Variants in MARCHF8 observed in about 807,000 individuals in gnomAD.
The protein encoded by MARCHF8 is E3 ubiquitin-protein ligase MARCHF8.
Under a neutral mutation model 51.6 loss-of-function variants are expected in MARCHF8, and 40 were observed. The ratio of observed to expected loss-of-function variants is 0.77; its 90% CI spans 0.60 to 1.01. MARCHF8 has a LOEUF of 1.01. MARCHF8 is among the 50% of genes least tolerant of loss of function. The probability of loss-of-function intolerance (pLI) is 0.00; values close to 1 mark genes in which losing one functional copy is unlikely to be tolerated. For missense variants in MARCHF8, 685 were observed against 708.6 expected, an observed-to-expected ratio of 0.97 and a Z score of 0.38; for synonymous variants, 263 against 280.3, an observed-to-expected ratio of 0.94 and a Z score of 0.62.
At chr10:45,496,479 T>A (rs1318421716) in intron 2 of MARCHF8, among the ~76,000 whole-genome samples, 1 of 152,068 alleles carries the variant, frequency 6.6e-6, no homozygotes, top group African/African-American at 2.4e-5. Flanking sequence ...CTATGAAAGG[T>A]TGGCATAAGG....
intron 3 of MARCHF8, among the ~76,000 whole-genome samples, chr10:45,485,989 C>T (rs1160274441): frequency 6.6e-6 from 1 of 152,188 alleles, no homozygotes; most frequent in Non-Finnish European, 1.5e-5. Flanking sequence ...AAACTGTCTT[C>T]TCAAAAACAG....
intron 1 of MARCHF8, among the ~76,000 whole-genome samples, chr10:45,533,525 CAG>C (rs2043924112): frequency 6.6e-6 from 1 of 152,092 alleles, no homozygotes; most frequent in Admixed American, 6.6e-5. Context: ...CATGTATAAT[CAG>C]AGATATAATC....
chr10:45,513,824 T>C (rs946013981), intron 2 of MARCHF8, among the ~76,000 whole-genome samples: 6 of 152,194 alleles, frequency 3.9e-5, no homozygotes, highest in African/African-American at 1.4e-4. Flanking sequence ...CTGTCTTCTA[T>C]GCATTTTTCC....
intron 1 of MARCHF8, among the ~76,000 whole-genome samples, chr10:45,564,064 T>C (rs2044338839): frequency 2.6e-5 from 4 of 152,294 alleles, no homozygotes; most frequent in Non-Finnish European, 5.9e-5. Context: ...TCACCTGAGG[T>C]CAGGAGTTCG....
At chr10:45,511,730 A>G (rs1263321543) in intron 2 of MARCHF8, among the ~76,000 whole-genome samples, 1 of 152,130 alleles carries the variant, frequency 6.6e-6, no homozygotes, top group Non-Finnish European at 1.5e-5. Context: ...CCCAGGCTGG[A>G]GTGCAGTGGC....
chr10:45,575,874 A>C (rs2044484037), intron 1 of MARCHF8, among the ~76,000 whole-genome samples: 1 of 152,080 alleles, frequency 6.6e-6, no homozygotes, highest in Non-Finnish European at 1.5e-5. Context: ...CCTGGCTCGA[A>C]AGCTCCCCCA....
At chr10:45,514,851 CAA>C (rs1347648302) in intron 2 of MARCHF8, among the ~76,000 whole-genome samples, 1 of 152,032 alleles carries the variant, frequency 6.6e-6, no homozygotes. Context: ...CAGAACAAAA[CAA>C]AATTTTTTTC....
upstream of MARCHF8, among the ~76,000 whole-genome samples, chr10:45,539,828 T>C (rs977237277): frequency 9.9e-5 from 15 of 152,214 alleles, no homozygotes; most frequent in African/African-American, 3.6e-4. Context: ...AAAATCTCCT[T>C]AAGCTGATAA....
chr10:45,567,717 T>A, intron 1 of MARCHF8, among the ~76,000 whole-genome samples: 1 of 152,250 alleles, frequency 6.6e-6, no homozygotes, highest in East Asian at 1.9e-4. Context: ...TCAGGTAATG[T>A]AATTCCTCCA....
intron 1 of MARCHF8, among the ~76,000 whole-genome samples, chr10:45,573,764 C>G (rs898652106): frequency 6.6e-6 from 1 of 152,176 alleles, no homozygotes; most frequent in Non-Finnish European, 1.5e-5. Context: ...AGTCCATCCC[C>G]TTCTTAATCA....
chr10:45,523,627 G>A (rs573121496), intron 2 of MARCHF8, among the ~76,000 whole-genome samples: 7 of 152,284 alleles, frequency 4.6e-5, no homozygotes, highest in African/African-American at 1.4e-4. Flanking sequence ...CTGCCACCTA[G>A]TTGTCCAATT....
chr10:45,455,293 T>G lies in MARCHF8; in HGVS notation c.*2946A>C, dbSNP rs1027988859. ...AGTAGGAAGAGACCTTTTATAGAGT[T>G]TTCAGGAAATTCTCACAATAAACTT... On this transcript the variant is annotated 3_prime_UTR_variant, in exon 8 of 8. Transcript: ENST00000453424. 3.3e-5 allele frequency: 5 copies of G among 152,164 alleles called. No homozygotes were observed. The highest frequency in any genetic ancestry group is 9.7e-5 in the African/African-American group (4 of 41,416). The allele number at this position is 152,164 out of a possible 1,614,324, so 9.4% of individuals were successfully genotyped here.
rs964096096 is a variant in MARCHF8 at position 45,457,454 on chromosome 10, G to T, written c.*785C>A. On this transcript the variant is annotated 3_prime_UTR_variant, in exon 8 of 8. Coordinates refer to ENST00000453424, the MANE Select transcript of MARCHF8 (RefSeq NM_001282866.2). ...TAAAAAAAAAGCCTCTGGCCTGCTT[G>T]TCCTGTCTTAAAAGTCATGAGTCTG... 1 of 152,456 alleles carries T rather than the reference G, an allele frequency of 6.6e-6. No individual in the cohort carries two copies. The highest frequency in any genetic ancestry group is 1.5e-5 in the Non-Finnish European group (1 of 68,032). 9.4% of individuals were successfully genotyped at this position (152,456 alleles called of 1,614,324 possible).
intron 5 of MARCHF8, 92 bp from the exon 6 acceptor site, chr10:45,461,503 TC>T: frequency 8.7e-7 from 1 of 1,145,356 alleles, no homozygotes; most frequent in Non-Finnish European, 1.2e-6. Context: ...CAAAGGAAAC[TC>T]AGAAACGAAC....
At chr10:45,553,658 C>T (rs2133345248) in intron 1 of MARCHF8, among the ~76,000 whole-genome samples, 2 of 152,238 alleles carry the variant, frequency 1.3e-5, no homozygotes, top group Non-Finnish European at 2.9e-5. Flanking sequence ...GGTAAATTCA[C>T]ACAATGAAAT....
In MARCHF8 at chr10:45,458,249, A is replaced by AG; in HGVS notation, c.1711_1712insC (p.Ile571ThrfsTer19). 6.2e-7 allele frequency: 1 copy of AG among 1,609,736 alleles called. No homozygotes were observed. Among genetic ancestry groups the AG allele is most frequent in the South Asian group, 1.1e-5 (1 of 90,570 alleles). ...ACAACCCGCACACAATCAGACGTGAATGATTTCTGCTCCAGTGTCTTCAGG... is the reference window on the plus strand; with the variant it reads ...ACAACCCGCACACAATCAGACGTGAAGTGATTTCTGCTCCAGTGTCTTCAGG... On this transcript the variant is annotated frameshift_variant, in exon 8 of 8. Transcript: ENST00000453424. LOFTEE classifies it high-confidence loss of function.
intron 1 of MARCHF8, among the ~76,000 whole-genome samples, chr10:45,592,232 T>C (rs2044689158): frequency 6.6e-6 from 1 of 152,112 alleles, no homozygotes. Flanking sequence ...AAAAAGAATT[T>C]CAAAATTGAA....
intron 1 of MARCHF8, among the ~76,000 whole-genome samples, chr10:45,568,751 A>C (rs2044394755): frequency 6.7e-6 from 1 of 148,372 alleles, no homozygotes. Context: ...ACTAACACTA[A>C]TGATAGCTGG....
Position 45,463,628 on chromosome 10 carries a change from G to A in MARCHF8, c.611C>T (p.Thr204Ile). The change falls in exon 5 of 8, where the codon ACC becomes ATC. Residue 204 changes from threonine to isoleucine, a missense_variant. Transcript: ENST00000453424. ...ATTGCCAAGAGGTTTGTGGTTCAGG[G>A]TTCTTTTTTCTTTATGATGAAACCT... ...TNRFHHKEKR[T>I]LNHKPLGNSK... is the part of the protein sequence containing the mutation. The A allele has an allele frequency of 6.4e-7, 1 of 1,550,690 alleles. No homozygotes were observed. Among genetic ancestry groups the A allele is most frequent in the Non-Finnish European group, 8.7e-7 (1 of 1,147,016 alleles).
Sources: allele counts gnomAD v4.1 joint callset (sites outside exome capture counted in the v4.1 genomes callset), GRCh38; gene constraint gnomAD v4.1.1; transcripts MANE v1.5; gene names NCBI Gene and HGNC (gene_info 2026-07-23, HGNC 2026-07-21).